CFAP92: variants seen among roughly 807,000 people sequenced by gnomAD.
CFAP92 encodes uncharacterized protein CFAP92.
Under a neutral mutation model 106.3 loss-of-function variants are expected in CFAP92, and 86 were observed. The observed-to-expected ratio is 0.81, with a 90% CI of 0.68 to 0.97. CFAP92 has a LOEUF of 0.97. Among genes scored for constraint, CFAP92 ranks in the 50% least tolerant of loss-of-function variants. The pLI is 0.00. For synonymous variants in CFAP92, 477 were observed against 506.4 expected (o/e 0.94, Z 0.78); for missense variants, 1,204 against 1,283.8 (o/e 0.94, Z 0.95).
Position 128,911,004 on chromosome 3 carries a change from GC to G in CFAP92, c.3281-672del, listed in dbSNP as rs1418895997. ...CACCAGGCACTGTAGGTGCATACCT[GC>G]CCCATTCACCAAGGCAGTTGTATGT... On this transcript the variant is annotated intron_variant, in intron 15 of 15. Coordinates refer to ENST00000645291, the MANE Select transcript of CFAP92 (RefSeq NM_001394090.1). 2.6e-5 allele frequency among the ~76,000 whole-genome samples: 4 copies of G among 152,352 alleles called. No individual in the cohort carries two copies. In the East Asian group the frequency reaches 7.7e-4, roughly 29 times the overall value.
At chr3:128,948,299 ATCCTCCCACCTCAGCT>A (rs934147346) in intron 9 of CFAP92, among the ~76,000 whole-genome samples, 12 of 149,226 alleles carry the variant, frequency 8.0e-5, no homozygotes, top group African/African-American at 3.0e-4. Context: ...GGCTCAGCTG[ATCCTCCCACCTCAGCT>A]TCCCTAGTAG....
rs1486131920 is a variant in CFAP92, at chr3:128,910,246, G to A, written c.*53C>T. ...TGTTGAGGAGGGTGTGGTCGGGTGT[G>A]GGGGAGGCTGTGCAGGTTCACCATG... On this transcript the variant is annotated 3_prime_UTR_variant, in exon 16 of 16. Transcript: ENST00000645291. 4.4e-6 allele frequency: 7 copies of A among 1,577,242 alleles called. No individual in the cohort carries two copies. Among genetic ancestry groups the A allele is most frequent in the Admixed American group, 3.6e-5 (2 of 55,830 alleles).
At chr3:129,019,334 C>T in the CFAP92 span, among the ~76,000 whole-genome samples, 1 of 152,172 alleles carries the variant, frequency 6.6e-6, no homozygotes, top group Non-Finnish European at 1.5e-5. Context: ...TAAGTTTGTC[C>T]TGGGTAGGTT....
chr3:129,021,076 A>G, the CFAP92 span, among the ~76,000 whole-genome samples: 1 of 152,076 alleles, frequency 6.6e-6, no homozygotes, highest in South Asian at 2.1e-4. Flanking sequence ...CAGTGACTGG[A>G]AGGGTGGTGC....
chr3:128,971,526 G>T, intron 7 of CFAP92, 93 bp from the exon 8 acceptor site: 2 of 1,089,970 alleles, frequency 1.8e-6, no homozygotes, highest in Non-Finnish European at 1.3e-6. Context: ...ATTCAGGAAG[G>T]TTCTGGAAGC....
intron 10 of CFAP92, among the ~76,000 whole-genome samples, chr3:128,939,965 C>A (rs1939467428): frequency 6.6e-6 from 1 of 152,216 alleles, no homozygotes; most frequent in Non-Finnish European, 1.5e-5. Context: ...CGGTACAGGT[C>A]CATGGCCTAG....
upstream of CFAP92, chr3:129,003,347 T>A: frequency 1.1e-6 from 1 of 929,226 alleles, no homozygotes; most frequent in Non-Finnish European, 1.3e-6. Flanking sequence ...AACACACCAG[T>A]AAAGACAGAT....
chr3:128,917,725 G>C (rs944349425), intron 12 of CFAP92, among the ~76,000 whole-genome samples: 3 of 152,192 alleles, frequency 2.0e-5, no homozygotes, highest in African/African-American at 7.2e-5. Context: ...AAGAGAATGA[G>C]ATATATTGCA....
intron 7 of CFAP92, among the ~76,000 whole-genome samples, chr3:128,973,356 G>A (rs755938915): frequency 5.3e-5 from 8 of 152,070 alleles, no homozygotes; most frequent in Non-Finnish European, 1.2e-4. Flanking sequence ...GCAAGCAGGG[G>A]GGAACAGATG....
chr3:128,918,567 T>A (rs546361694), intron 12 of CFAP92, among the ~76,000 whole-genome samples: 1 of 152,208 alleles, frequency 6.6e-6, no homozygotes, highest in African/African-American at 2.4e-5. Context: ...TAATGTCCGA[T>A]AGCCTAGTAA....
chr3:128,973,841 T>C (rs1576589107), intron 7 of CFAP92, among the ~76,000 whole-genome samples: 1 of 152,180 alleles, frequency 6.6e-6, no homozygotes, highest in Non-Finnish European at 1.5e-5. Context: ...ACAACTCAGA[T>C]CCCTGGCACG....
chr3:128,958,248 C>A (rs1249842959), intron 9 of CFAP92, among the ~76,000 whole-genome samples: 2 of 152,114 alleles, frequency 1.3e-5, no homozygotes, highest in African/African-American at 4.8e-5. Flanking sequence ...TTCAAATTGA[C>A]AAAAGTATAG....
rs1214717928 is a variant in CFAP92 at position 128,932,979 on chromosome 3, A to G, written c.2472T>C (p.Tyr824=). The change falls in exon 12 of 16, where the codon TAT becomes TAC. Residue 824 remains tyrosine (Y), a synonymous_variant. Coordinates refer to ENST00000645291, the MANE Select transcript of CFAP92 (RefSeq NM_001394090.1). ...QALARIHDIC[Y]NSTTLWDVTV... is the part of the protein sequence containing the mutation. ...TCACGTCCCAGAGGGTGGTGCTGTT[A>G]TAGCAGATGTCGTGGATCCTGGAAC... is the stretch of plus-strand genomic sequence containing the variant. 2.0e-6 allele frequency: 3 copies of G among 1,536,028 alleles called. No individual in the cohort carries two copies. Among genetic ancestry groups the G allele is most frequent in the Non-Finnish European group, 2.6e-6 (3 of 1,146,930 alleles).
intron 9 of CFAP92, among the ~76,000 whole-genome samples, chr3:128,956,184 T>TAAAAAAAA (rs369899266): frequency 1.0e-4 from 5 of 49,254 alleles, no homozygotes; most frequent in African/African-American, 2.0e-4. Context: ...AAAAATAAAT[T>TAAAAAAAA]AAAAAAAAAA....
chr3:128,999,728 T>TGGGGG (rs150816624), intron 1 of CFAP92, among the ~76,000 whole-genome samples: 1 of 150,802 alleles, frequency 6.6e-6, no homozygotes, highest in South Asian at 2.1e-4. Flanking sequence ...TTAGTAGAGA[T>TGGGGG]GGGGGTGGTT....
chr3:128,919,134 ACAGGGTTTCACCATGTT>A (rs1937061477), intron 12 of CFAP92, among the ~76,000 whole-genome samples: 1 of 151,870 alleles, frequency 6.6e-6, no homozygotes, highest in African/African-American at 2.4e-5. Flanking sequence ...TTTAGTAGAG[ACAGGGTTTCACCATGTT>A]CAGGCTGGTC....
intron 15 of CFAP92, chr3:128,912,484 C>G (rs1274075051): frequency 6.3e-7 from 1 of 1,599,566 alleles, no homozygotes; most frequent in African/African-American, 1.3e-5. Flanking sequence ...AGATCACCCA[C>G]CATCTCTCCT....
chr3:128,997,148 C>A (rs889625741), upstream of CFAP92, among the ~76,000 whole-genome samples: 2 of 152,128 alleles, frequency 1.3e-5, no homozygotes, highest in Non-Finnish European at 2.9e-5. Flanking sequence ...GGTCACTGAA[C>A]AATCCATCCC....
intron 12 of CFAP92, among the ~76,000 whole-genome samples, chr3:128,922,891 G>C (rs1331125819): frequency 1.3e-5 from 2 of 152,164 alleles, no homozygotes; most frequent in Non-Finnish European, 2.9e-5. Flanking sequence ...TAAGGTTTAA[G>C]GATTGCTTTT....
Sources: gnomAD v4.1 joint callset for allele counts (sites outside exome capture counted in the v4.1 genomes callset) on GRCh38, gnomAD v4.1.1 for gene constraint, MANE v1.5 for transcripts, NCBI Gene and HGNC (gene_info 2026-07-23, HGNC 2026-07-21) for gene names.